CPQ: variants seen among roughly 807,000 people sequenced by gnomAD.
The protein encoded by CPQ is Ser-Met dipeptidase.
In CPQ, 37 loss-of-function variants were observed where a neutral mutation model predicts 45.7. The observed-to-expected ratio is 0.81, with a 90% CI of 0.62 to 1.07. The LOEUF (loss-of-function observed/expected upper bound fraction) is 1.07. Among genes scored for constraint, CPQ ranks in the 50% least tolerant of loss-of-function variants. The probability of loss-of-function intolerance (pLI) is 0.00; values close to 1 mark genes in which losing one functional copy is unlikely to be tolerated. For synonymous variants in CPQ, 186 were observed against 205.8 expected, an observed-to-expected ratio of 0.90 and a Z score of 0.82; for missense variants, 537 against 572.9, an observed-to-expected ratio of 0.94 and a Z score of 0.64.
At chr8:96,677,568 T>G (rs891418533) in intron 1 of CPQ, among the ~76,000 whole-genome samples, 1 of 152,130 alleles carries the variant, frequency 6.6e-6, no homozygotes. Context: ...TTCTGTATAT[T>G]AGTCCTTTGT....
chr8:96,657,617 A>G (rs991746507), intron 1 of CPQ, among the ~76,000 whole-genome samples: 4 of 152,256 alleles, frequency 2.6e-5, no homozygotes, highest in Non-Finnish European at 4.4e-5. Context: ...TGTCATGCCT[A>G]CATGTTTACA....
intron 4 of CPQ, among the ~76,000 whole-genome samples, chr8:96,893,208 A>C (rs1172326471): frequency 6.6e-6 from 1 of 152,162 alleles, no homozygotes; most frequent in East Asian, 1.9e-4. Flanking sequence ...GTGCCTTTTT[A>C]TTCTAGTTTG....
intron 1 of CPQ, among the ~76,000 whole-genome samples, chr8:96,654,764 G>A (rs963568816): frequency 1.3e-5 from 2 of 152,206 alleles, no homozygotes; most frequent in Non-Finnish European, 2.9e-5. Context: ...CAAAAGACTG[G>A]TAGCTGATGT....
At chr8:97,133,806 G>C (rs1352020265) in intron 7 of CPQ, among the ~76,000 whole-genome samples, 1 of 152,200 alleles carries the variant, frequency 6.6e-6, no homozygotes, top group East Asian at 1.9e-4. Flanking sequence ...AGTAAGCAGT[G>C]AGTCAAAATA....
chr8:96,959,910 A>C (rs1052734137), intron 4 of CPQ, among the ~76,000 whole-genome samples: 94 of 148,152 alleles, frequency 6.3e-4, no homozygotes, highest in Middle Eastern at 6.9e-3. Context: ...AAAAAAAAAA[A>C]CCAAAAACAC....
In CPQ at chr8:97,012,835, T is replaced by G. The variant is rs961883871; in HGVS notation, c.962-16568T>G. ...GTGCATAAAATGTGAACCACTGAAA[T>G]TTCATGTAAACACCTCGCAGTTTGC... On this transcript the variant is annotated intron_variant, in intron 5 of 7. Coordinates refer to ENST00000220763, the MANE Select transcript of CPQ (RefSeq NM_016134.4). Among the ~76,000 whole-genome samples the G allele has an allele frequency of 3.3e-5, 5 of 152,180 alleles. No individual in the cohort carries two copies. The East Asian group carries it at 9.6e-4, about 29-fold the overall frequency.
intron 1 of CPQ, among the ~76,000 whole-genome samples, chr8:96,682,334 G>C (rs1809163151): frequency 6.6e-6 from 1 of 152,218 alleles, no homozygotes; most frequent in African/African-American, 2.4e-5. Context: ...TAGTGAGTAA[G>C]ATCTGATGGT....
At chr8:96,964,958 C>A (rs1284897228) in intron 4 of CPQ, among the ~76,000 whole-genome samples, 2 of 152,062 alleles carry the variant, frequency 1.3e-5, no homozygotes, top group Non-Finnish European at 1.5e-5. Context: ...AATGTGTCCA[C>A]AAAATTTAGT....
chr8:97,015,579 AAAG>A (rs1443767613), intron 5 of CPQ, among the ~76,000 whole-genome samples: 10 of 152,200 alleles, frequency 6.6e-5, no homozygotes, highest in Non-Finnish European at 1.0e-4. Context: ...GACACATAAA[AAAG>A]AAGATAAGAT....
In CPQ at chr8:96,705,286, CT is replaced by C. The variant is rs565765832; in HGVS notation, c.-35+59887del. 1.1e-4 allele frequency among the ~76,000 whole-genome samples: 17 copies of C among 152,026 alleles called. No individual in the cohort carries two copies. In the East Asian group the frequency reaches 3.3e-3, roughly 29 times the overall value. On this transcript the variant is annotated intron_variant, in intron 1 of 7. Coordinates refer to ENST00000220763, the MANE Select transcript of CPQ (RefSeq NM_016134.4). ...TGTCCTTGAGAGTAGAGATTTTGTT[CT>C]TTAAAATCATGCTTGAAACCCTAGT... is the stretch of plus-strand genomic sequence containing the variant.
At chr8:96,792,535 G>A (rs1810861901) in intron 2 of CPQ, among the ~76,000 whole-genome samples, 1 of 152,162 alleles carries the variant, frequency 6.6e-6, no homozygotes, top group Non-Finnish European at 1.5e-5. Flanking sequence ...ATTATGTTTG[G>A]TGTATGTTTT....
rs550877433 is a variant in CPQ at position 97,137,977 on chromosome 8, C to T, written c.1256-5043C>T. 4.6e-5 allele frequency among the ~76,000 whole-genome samples: 7 copies of T among 152,244 alleles called. No homozygotes were observed. In the South Asian group the frequency reaches 1.5e-3, roughly 32 times the overall value. ...CAAGATGTCATCATCTGGCCCTGGTCCCTCTCACTTCTCCTCAGACTGGAC... is the reference window on the plus strand; with the variant it reads ...CAAGATGTCATCATCTGGCCCTGGTTCCTCTCACTTCTCCTCAGACTGGAC... On this transcript the variant is annotated intron_variant, in intron 7 of 7. Coordinates refer to ENST00000220763, the MANE Select transcript of CPQ (RefSeq NM_016134.4).
intron 4 of CPQ, among the ~76,000 whole-genome samples, chr8:96,932,262 A>G (rs909524789): frequency 6.6e-5 from 10 of 152,176 alleles, no homozygotes; most frequent in Admixed American, 5.9e-4. Context: ...TTTCTTCCCT[A>G]TATAATTTAC....
chr8:96,928,356 T>A (rs1455395805), intron 4 of CPQ, among the ~76,000 whole-genome samples: 1 of 150,752 alleles, frequency 6.6e-6, no homozygotes, highest in Non-Finnish European at 1.5e-5. Context: ...TATCGTTCCT[T>A]TCTTATGAGC....
At chr8:96,946,827 T>G (rs756152902) in intron 4 of CPQ, among the ~76,000 whole-genome samples, 14 of 152,152 alleles carry the variant, frequency 9.2e-5, no homozygotes, top group Non-Finnish European at 1.6e-4. Flanking sequence ...CAGAGCTTCA[T>G]GTGGCCAGCT....
At chr8:96,703,029 A>C (rs903838014) in intron 1 of CPQ, among the ~76,000 whole-genome samples, 13 of 152,306 alleles carry the variant, frequency 8.5e-5, no homozygotes, top group African/African-American at 2.6e-4. Flanking sequence ...TAATGAATCA[A>C]TAGATAGATA....
chr8:97,029,277 C>A, intron 5 of CPQ, 126 bp from the exon 6 acceptor site: 1 of 867,920 alleles, frequency 1.2e-6, no homozygotes, highest in South Asian at 1.6e-5. Context: ...GAGACAACCA[C>A]ACCAGTGAGA....
chr8:96,919,041 C>T (rs895293706), intron 4 of CPQ, among the ~76,000 whole-genome samples: 1 of 152,068 alleles, frequency 6.6e-6, no homozygotes, highest in Non-Finnish European at 1.5e-5. Flanking sequence ...ATAAGTTACT[C>T]TAGCTTTACT....
At chr8:96,945,331 C>T (rs547409013) in intron 4 of CPQ, among the ~76,000 whole-genome samples, 1 of 152,240 alleles carries the variant, frequency 6.6e-6, no homozygotes, top group South Asian at 2.1e-4. Context: ...TCCATTGTTG[C>T]AGATGTTTCA....
Sources: gnomAD v4.1 joint callset for allele counts (sites outside exome capture counted in the v4.1 genomes callset) on GRCh38, gnomAD v4.1.1 for gene constraint, MANE v1.5 for transcripts, NCBI Gene and HGNC (gene_info 2026-07-23, HGNC 2026-07-21) for gene names.